Variants in XAF1 observed in about 807,000 individuals in gnomAD.
XAF1 encodes the protein XIAP associated factor 1.
Under a neutral mutation model 32.3 loss-of-function variants are expected in XAF1, and 32 were observed. The ratio of observed to expected loss-of-function variants is 0.99; its 90% CI spans 0.75 to 1.33. The LOEUF is 1.33. XAF1 is among the 40% of genes most tolerant of loss of function. The pLI is 0.00. For synonymous variants in XAF1, 120 were observed against 125.9 expected (o/e 0.95, Z 0.31); for missense variants, 379 against 366.0 (o/e 1.04, Z -0.29).
At chr17:6,764,962 G>T (rs1975484100) in intron 5 of XAF1, among the ~76,000 whole-genome samples, 1 of 152,034 alleles carries the variant, frequency 6.6e-6, no homozygotes, top group African/African-American at 2.4e-5. Flanking sequence ...GGCTTCCAGG[G>T]TACCACACTT....
chr17:6,760,741 T>A, intron 4 of XAF1, 140 bp downstream of exon 4: 1 of 941,926 alleles, frequency 1.1e-6, no homozygotes, highest in Non-Finnish European at 1.6e-6. Context: ...CTGGCTATTC[T>A]AATTCTAAAC....
upstream of XAF1, chr17:6,755,627 G>T: frequency 9.9e-7 from 1 of 1,013,692 alleles, no homozygotes; most frequent in Non-Finnish European, 1.2e-6. Flanking sequence ...GCCATTTTTA[G>T]GGAACAGCAT....
intron 4 of XAF1, among the ~76,000 whole-genome samples, chr17:6,761,242 TC>T (rs1039854424): frequency 6.6e-5 from 10 of 152,076 alleles, no homozygotes; most frequent in African/African-American, 2.2e-4. Context: ...CTGGCAGAGA[TC>T]CATTGCATCC....
Position 6,767,736 on chromosome 17 carries a change from A to ACTGCTG in XAF1, c.508-2883_508-2878dup, listed in dbSNP as rs36030643. Among the ~76,000 whole-genome samples the ACTGCTG allele has an allele frequency of 4.8e-4, 72 of 151,466 alleles. No homozygotes were observed. The East Asian group carries it at 8.2e-3, about 17-fold the overall frequency. Reference sequence around the variant, plus strand: ...GCATTTACCACTCTTGTTCATTACTACTGCTGCTGCTGCTGCTGCTGCTGC... The same window carrying ACTGCTG: ...GCATTTACCACTCTTGTTCATTACTACTGCTGCTGCTGCTGCTGCTGCTGCTGCTGC... On this transcript the variant is annotated intron_variant, in intron 5 of 6. Transcript: ENST00000361842.
At chr17:6,758,508 G>C (rs139202614) in intron 2 of XAF1, 20,096 of 468,856 alleles carry the variant, frequency 0.043, 799 homozygotes, top group Middle Eastern at 0.12. Flanking sequence ...GAGTCAAGGC[G>C]AGTGTTCAGT....
intron 4 of XAF1, 56 bp downstream of exon 4, chr17:6,760,657 G>A (rs1975124050): frequency 6.5e-7 from 1 of 1,527,940 alleles, no homozygotes; most frequent in South Asian, 1.2e-5. Flanking sequence ...AGCCTTTCCT[G>A]GATGGGATGC....
chr17:6,761,126 C>G (rs918602964), intron 4 of XAF1, among the ~76,000 whole-genome samples: 3 of 151,838 alleles, frequency 2.0e-5, no homozygotes, highest in African/African-American at 7.3e-5. Flanking sequence ...TGCACTCCAG[C>G]CTGGGCAACA....
intron 5 of XAF1, among the ~76,000 whole-genome samples, chr17:6,763,254 C>T (rs913023362): frequency 2.0e-5 from 3 of 152,154 alleles, no homozygotes; most frequent in Non-Finnish European, 2.9e-5. Context: ...TTTCACTTAC[C>T]GTAACATTTT....
intron 3 of XAF1, 98 bp downstream of exon 3, chr17:6,759,816 C>A: frequency 6.3e-7 from 1 of 1,584,758 alleles, no homozygotes; most frequent in South Asian, 1.1e-5. Flanking sequence ...AGATTTCCAC[C>A]TGACCACTCT....
intron 2 of XAF1, chr17:6,759,095 A>G: frequency 9.9e-7 from 1 of 1,008,550 alleles, no homozygotes; most frequent in Non-Finnish European, 1.2e-6. Flanking sequence ...TGGGGACTTA[A>G]GGCAAGGGTC....
chr17:6,773,263 T>C lies in XAF1; in HGVS notation c.*94T>C. 1 of 1,193,184 alleles carries C rather than the reference T, an allele frequency of 8.4e-7. No individual in the cohort carries two copies. The highest frequency in any genetic ancestry group is 2.6e-5 in the East Asian group (1 of 38,754). The allele number at this position is 1,193,184 out of a possible 1,614,324, so 73.9% of individuals were successfully genotyped here. The stretch of plus-strand genomic sequence containing the variant: ...GCTGTGGTGGTCTTGTGAAAGGTGA[T>C]GGGTTTTATTCGTTGGGCTTTAAAA... On this transcript the variant is annotated 3_prime_UTR_variant, in exon 7 of 7. Transcript: ENST00000361842.
At chr17:6,762,300 G>T in intron 5 of XAF1, 60 bp downstream of exon 5, 2 of 1,448,570 alleles carry the variant, frequency 1.4e-6, no homozygotes, top group South Asian at 2.6e-5. Context: ...TCTGAAAAGT[G>T]TGATAGGAAA....
chr17:6,759,799 G>A, intron 3 of XAF1, 81 bp downstream of exon 3: 1 of 1,606,804 alleles, frequency 6.2e-7, no homozygotes, highest in Non-Finnish European at 8.5e-7. Flanking sequence ...CGGGAGGCCA[G>A]TAATAGAGAT....
intron 5 of XAF1, among the ~76,000 whole-genome samples, chr17:6,763,890 T>C (rs1797191375): frequency 6.6e-6 from 1 of 152,236 alleles, no homozygotes; most frequent in Admixed American, 6.5e-5. Flanking sequence ...TGACTTGTTT[T>C]CCTTAGTACT....
At chr17:6,765,287 A>G (rs188899723) in intron 5 of XAF1, among the ~76,000 whole-genome samples, 1 of 152,096 alleles carries the variant, frequency 6.6e-6, no homozygotes, top group East Asian at 1.9e-4. Context: ...GTGGTGGGTG[A>G]CTATAGTCCC....
At chr17:6,763,502 A>AT (rs913077452) in intron 5 of XAF1, among the ~76,000 whole-genome samples, 26 of 149,920 alleles carry the variant, frequency 1.7e-4, no homozygotes, top group African/African-American at 4.4e-4. Flanking sequence ...TAATTTTTGT[A>AT]TTTTTTTTTA....
In XAF1 at chr17:6,770,890, G is replaced by A. The variant is rs759043028; in HGVS notation, c.755G>A (p.Ser252Asn). The A allele has an allele frequency of 3.7e-6, 6 of 1,614,024 alleles. No homozygotes were observed. The African/African-American group carries it at 8.0e-5, about 22-fold the overall frequency. Residue 252 changes from serine to asparagine, a missense_variant, in exon 6 of 7, where the codon AGC (serine) becomes AAC (asparagine). By Grantham distance (46) the Ser-to-Asn change is conservative. Transcript: ENST00000361842. ...LLMSEPKPRT[S>N]SPRGDKAAYD... Reference sequence around the variant, plus strand: ...ATGTCAGAGCCCAAGCCCAGGACCAGCTCCCCTAGAGGAGATAAAGCAGCC... The same window carrying A: ...ATGTCAGAGCCCAAGCCCAGGACCAACTCCCCTAGAGGAGATAAAGCAGCC...
At chr17:6,772,137 G>A (rs1326122956) in intron 6 of XAF1, among the ~76,000 whole-genome samples, 3 of 151,954 alleles carry the variant, frequency 2.0e-5, no homozygotes, top group Non-Finnish European at 4.4e-5. Context: ...ATTTGCTGGG[G>A]GTGTTACTAG....
intron 5 of XAF1, among the ~76,000 whole-genome samples, chr17:6,767,967 T>C (rs1169993368): frequency 6.6e-6 from 1 of 152,224 alleles, no homozygotes; most frequent in African/African-American, 2.4e-5. Context: ...TTTGAGAACA[T>C]GTTAACACTG....
Sources: allele counts gnomAD v4.1 joint callset (sites outside exome capture counted in the v4.1 genomes callset), GRCh38; gene constraint gnomAD v4.1.1; transcripts MANE v1.5; gene names NCBI Gene and HGNC (gene_info 2026-07-23, HGNC 2026-07-21).